Variants in RPLP0 observed in about 807,000 individuals in gnomAD.
RPLP0 encodes the protein large ribosomal subunit protein uL10.
For synonymous variants in RPLP0, 137 were observed against 153.4 expected (o/e 0.89, Z 0.79); for missense variants, 276 against 402.9 (o/e 0.69, Z 2.70).
chr12:120,200,522 T>C, intron 2 of RPLP0: 1 of 560,206 alleles, frequency 1.8e-6, no homozygotes, highest in East Asian at 3.0e-5. Context: ...ATACGAATGC[T>C]GTCATCTTAG....
At chr12:120,197,132 C>T in intron 7 of RPLP0, 190 bp downstream of exon 7, 1 of 1,055,828 alleles carries the variant, frequency 9.5e-7, no homozygotes, top group Non-Finnish European at 1.4e-6. Context: ...TGCCCATTAA[C>T]CCCCTCTTTG....
In RPLP0 at chr12:120,199,533, G is replaced by GA. The variant is rs756336271; in HGVS notation, c.55-49dup. 31 of 1,564,032 alleles carry GA rather than the reference G, an allele frequency of 2.0e-5. No homozygotes were observed. The East Asian group carries it at 6.1e-4, about 31-fold the overall frequency. On this transcript the variant is annotated intron_variant, in intron 2 of 7. Transcript: ENST00000392514. ...GCCAAGTTTAACAGGAAGAGAGAGGGAAAAAATGCCAGAAGAAACTGAACC... is the reference window on the plus strand; with the variant it reads ...GCCAAGTTTAACAGGAAGAGAGAGGGAAAAAAATGCCAGAAGAAACTGAACC...
In RPLP0 at chr12:120,196,798, T is replaced by A. The variant is rs988403805; in HGVS notation, c.929A>T (p.Asp310Val). The A allele has an allele frequency of 1.3e-6, 2 of 1,589,508 alleles. No individual in the cohort carries two copies. Among genetic ancestry groups the A allele is most frequent in the South Asian group, 2.2e-5 (2 of 89,906 alleles). ...TTAGTCAAAGAGACCAAATCCCATA[T>A]CCTCGTCCGACTCCTCCGACTCTTC... ...AKEESEESDE[D>V]MGFGLFD is the part of the protein sequence containing the mutation. The change falls in exon 8 of 8, where the codon GAT becomes GTT. Residue 310 changes from aspartate to valine, a missense_variant. Coordinates refer to ENST00000392514, the MANE Select transcript of RPLP0 (RefSeq NM_001002.4).
At chr12:120,199,558 C>T in intron 2 of RPLP0, 73 bp from the exon 3 acceptor site, 3 of 1,472,998 alleles carry the variant, frequency 2.0e-6, no homozygotes, top group South Asian at 2.5e-5. Flanking sequence ...GAAACTGAAC[C>T]CCACAATTTG....
intron 2 of RPLP0, chr12:120,199,896 C>G (rs1249822735): frequency 1.3e-5 from 5 of 390,502 alleles, no homozygotes; most frequent in Non-Finnish European, 1.0e-5. Context: ...ACAATCTAGG[C>G]GTGTTTATCC....
chr12:120,200,915 A>C, intron 1 of RPLP0, 84 bp from the exon 2 acceptor site: 1 of 1,422,418 alleles, frequency 7.0e-7, no homozygotes, highest in Non-Finnish European at 9.2e-7. Flanking sequence ...GACACGCGCA[A>C]TCGCCCGCCG....
intron 2 of RPLP0, chr12:120,200,006 A>G: frequency 2.2e-6 from 1 of 456,114 alleles, no homozygotes; most frequent in Non-Finnish European, 4.4e-6. Flanking sequence ...TAATTGCTTA[A>G]GCGCAGTACA....
chr12:120,197,812 C>G, intron 6 of RPLP0: 1 of 240,954 alleles, frequency 4.2e-6, no homozygotes. Context: ...ACTTGTCAAA[C>G]TTTCAACAAA....
Position 120,197,456 on chromosome 12 carries a change from G to A in RPLP0, c.658C>T (p.Arg220Cys), listed in dbSNP as rs776880572. The part of the protein sequence containing the change: ...TLHSRFLEGV[R>C]NVASVCLQIG... ...TGCAGACAGACACTGGCAACATTGC[G>A]GACACCCTGGGGGAGGGAAGATTTC... is the stretch of plus-strand genomic sequence containing the variant. The change falls in exon 7 of 8, where the codon CGC (arginine) becomes TGC (cysteine). Residue 220 changes from arginine to cysteine, a missense_variant. By Grantham distance (180) the Arg-to-Cys change is radical. Coordinates refer to ENST00000392514, the MANE Select transcript of RPLP0 (RefSeq NM_001002.4). 16 of 1,613,732 alleles carry A rather than the reference G, an allele frequency of 9.9e-6. No individual in the cohort carries two copies. Among genetic ancestry groups the A allele is most frequent in the Middle Eastern group, 1.6e-4 (1 of 6,078 alleles).
At position 120,198,473 on chromosome 12, in the gene RPLP0, C is replaced by T. The variant is rs552876317; in HGVS notation, c.651+81G>A. On this transcript the variant is annotated intron_variant, in intron 6 of 7. Transcript: ENST00000392514. This position sits in a 1 kb window ranked among gnomAD's most constrained non-coding sequence, Gnocchi z 4.1. ...GTAGGTAGACAGATGAAAACACAGT[C>T]CTTGGTTACAGGGACTCAGTCTGAA... 6.8e-6 allele frequency: 10 copies of T among 1,471,948 alleles called. No homozygotes were observed. The African/African-American group carries it at 1.2e-4, about 18-fold the overall frequency. The allele number at this position is 1,471,948 out of a possible 1,614,324, so 91.2% of individuals were successfully genotyped here.
chr12:120,200,307 AC>A, intron 2 of RPLP0: 2 of 336,892 alleles, frequency 5.9e-6, no homozygotes, highest in Non-Finnish European at 1.2e-5. Context: ...TATTGAAAAT[AC>A]AAAAATTAGC....
Position 120,198,524 on chromosome 12 carries a change from G to C in RPLP0, c.651+30C>G. Reference sequence around the variant, plus strand: ...CCTTGTCATGCTCTCAACCATCAGTGTAAGAGGGGGCAAGGCTGACAGCAT... The same window carrying C: ...CCTTGTCATGCTCTCAACCATCAGTCTAAGAGGGGGCAAGGCTGACAGCAT... On this transcript the variant is annotated intron_variant, in intron 6 of 7. Transcript: ENST00000392514. The surrounding 1 kb of genome is among the most constrained non-coding windows in gnomAD (Gnocchi z 4.1). 1 of 1,613,326 alleles carries C rather than the reference G, an allele frequency of 6.2e-7. No individual in the cohort carries two copies. Among genetic ancestry groups the C allele is most frequent in the Non-Finnish European group, 8.5e-7 (1 of 1,179,402 alleles).
chr12:120,199,997 A>G (rs542311870), intron 2 of RPLP0: 5 of 456,080 alleles, frequency 1.1e-5, no homozygotes, highest in African/African-American at 4.0e-5. Flanking sequence ...AATGCTGCCT[A>G]ATTGCTTAAG....
chr12:120,197,128 T>C (rs1879212502), intron 7 of RPLP0, 194 bp from the exon 8 acceptor site: 2 of 1,067,406 alleles, frequency 1.9e-6, no homozygotes, highest in Non-Finnish European at 2.8e-6. Flanking sequence ...CTCTTGCCCA[T>C]TAACCCCCTC....
intron 7 of RPLP0, 67 bp downstream of exon 7, chr12:120,197,255 G>T: frequency 7.1e-7 from 1 of 1,410,984 alleles, no homozygotes; most frequent in South Asian, 1.2e-5. Context: ...CAGTAAGGTA[G>T]AAGGCCACAT....
rs755528442 is a variant in RPLP0 at position 120,198,588 on chromosome 12, A to G, written c.617T>C (p.Ile206Thr). ...GCGAGAATGCAGAGTTTCCTCTGTG[A>G]TATCAAGCACTTCAGGGTTGTAGAT... Reference protein sequence around the residue: ...GSIYNPEVLDITEETLHSRFL... With the variant: ...GSIYNPEVLDTTEETLHSRFL... The change falls in exon 6 of 8, where the codon ATC (isoleucine) becomes ACC (threonine). Residue 206 changes from isoleucine (I) to threonine (T), a missense_variant. By Grantham distance (89) the Ile-to-Thr change is moderately conservative. Transcript: ENST00000392514. The surrounding 1 kb of genome is among the most constrained non-coding windows in gnomAD (Gnocchi z 4.1). The G allele has an allele frequency of 3.1e-6, 5 of 1,614,082 alleles. No individual in the cohort carries two copies. Among genetic ancestry groups the G allele is most frequent in the East Asian group, 2.2e-5 (1 of 44,882 alleles).
Position 120,198,384 on chromosome 12 carries a change from T to TC in RPLP0, c.651+169dup, listed in dbSNP as rs1200661127. The TC allele has an allele frequency of 7.7e-6, 5 of 649,710 alleles. No individual in the cohort carries two copies. In the African/African-American group the frequency reaches 9.7e-5, roughly 13 times the overall value. The allele number at this position is 649,710 out of a possible 1,614,324, so 40.2% of individuals were successfully genotyped here. A position where few individuals can be genotyped will look rare whatever the true frequency, so the allele number is the denominator to read the frequency against. On this transcript the variant is annotated intron_variant, in intron 6 of 7. Coordinates refer to ENST00000392514, the MANE Select transcript of RPLP0 (RefSeq NM_001002.4). The surrounding 1 kb of genome is among the most constrained non-coding windows in gnomAD (Gnocchi z 4.1). ...CTGGGCGACACAGCAAGACTCTGTCTCCAAAAAAAAAAAAAAAAAATCCTT... is the reference window on the plus strand; with the variant it reads ...CTGGGCGACACAGCAAGACTCTGTCTCCCAAAAAAAAAAAAAAAAAATCCTT...
chr12:120,197,034 T>G, intron 7 of RPLP0, 100 bp from the exon 8 acceptor site: 2 of 1,566,190 alleles, frequency 1.3e-6, no homozygotes, highest in Non-Finnish European at 1.7e-6. Flanking sequence ...AATATCAAAG[T>G]CCGTGTGAAG....
Position 120,197,308 on chromosome 12 carries a change from T to C in RPLP0, c.792+14A>G. On this transcript the variant is annotated intron_variant, in intron 7 of 7. Coordinates refer to ENST00000392514, the MANE Select transcript of RPLP0 (RefSeq NM_001002.4). ...ACAGTCAGGCCCACTGTGGTCCTGGTGGGATCCTTTTACCTTTTCAGCAAG... is the reference window on the plus strand; with the variant it reads ...ACAGTCAGGCCCACTGTGGTCCTGGCGGGATCCTTTTACCTTTTCAGCAAG... The C allele has an allele frequency of 6.2e-7, 1 of 1,613,178 alleles. No individual in the cohort carries two copies. The highest frequency in any genetic ancestry group is 8.5e-7 in the Non-Finnish European group (1 of 1,179,278).
Sources: allele counts gnomAD v4.1 joint callset, GRCh38; gene constraint gnomAD v4.1.1; non-coding constraint Gnocchi (gnomAD v3.1); transcripts MANE v1.5; gene names NCBI Gene and HGNC (gene_info 2026-07-23, HGNC 2026-07-21).